TMEM184B: variants seen among roughly 807,000 people sequenced by gnomAD.
TMEM184B encodes the protein transmembrane protein 184B.
A neutral mutation model predicts 41.8 loss-of-function variants in TMEM184B; 17 were observed. The ratio of observed to expected loss-of-function variants is 0.41; its 90% CI spans 0.28 to 0.61. The LOEUF is 0.61. Among genes scored for constraint, TMEM184B ranks in the 20% least tolerant of loss-of-function variants. TMEM184B has a pLI of 0.34. For missense variants in TMEM184B, 393 were observed against 557.8 expected (o/e 0.70, Z 2.98); for synonymous variants, 240 against 229.5 (o/e 1.05, Z -0.41).
rs1266514643 is a variant in TMEM184B at position 38,258,942 on chromosome 22, T to C, written c.-58-10923A>G. On this transcript the variant is annotated intron_variant, in intron 1 of 8. Transcript: ENST00000361906. ...CATCCAGTGTCGTTTATTTCTATGT[T>C]TATTTTCAACTGTAATGGTATCCCT... is the stretch of plus-strand genomic sequence containing the variant. Among the ~76,000 whole-genome samples the C allele has an allele frequency of 2.0e-5, 3 of 152,156 alleles. No individual in the cohort carries two copies. The East Asian group carries it at 5.8e-4, about 29-fold the overall frequency.
intron 3 of TMEM184B, chr22:38,231,821 T>C (rs1411010946): frequency 1.1e-5 from 3 of 264,344 alleles, no homozygotes; most frequent in Non-Finnish European, 2.2e-5. Flanking sequence ...ACTGATCTGG[T>C]GTCTGCACCA....
At chr22:38,245,003 C>T (rs1449988025) in intron 3 of TMEM184B, among the ~76,000 whole-genome samples, 2 of 152,186 alleles carry the variant, frequency 1.3e-5, no homozygotes, top group Non-Finnish European at 2.9e-5. Flanking sequence ...GGCCTGTGGT[C>T]GGAGCTCAGG....
chr22:38,248,455 T>G (rs2092089942), intron 1 of TMEM184B, among the ~76,000 whole-genome samples: 1 of 152,258 alleles, frequency 6.6e-6, no homozygotes, highest in Non-Finnish European at 1.5e-5. Flanking sequence ...AGCCTGCTTC[T>G]GCCACAGGGC....
intron 3 of TMEM184B, among the ~76,000 whole-genome samples, chr22:38,237,355 T>C (rs546988009): frequency 6.6e-6 from 1 of 152,358 alleles, no homozygotes; most frequent in East Asian, 1.9e-4. Flanking sequence ...GACACACTCA[T>C]ATAACTTGCT....
intron 2 of TMEM184B, 21 bp downstream of exon 2, chr22:38,247,749 C>A: frequency 6.2e-7 from 1 of 1,602,814 alleles, no homozygotes; most frequent in Non-Finnish European, 8.5e-7. Flanking sequence ...TTTCTAGAGG[C>A]CCCTTGCCAG....
Position 38,226,998 on chromosome 22 carries a change from AGGGATGGAGGGACGGAG to A in TMEM184B, c.526-145_526-129del, listed in dbSNP as rs1437264056. 3.9e-5 allele frequency: 33 copies of A among 838,114 alleles called. No individual in the cohort carries two copies. Among genetic ancestry groups the A allele is most frequent in the Middle Eastern group, 4.9e-4 (2 of 4,120 alleles). 51.9% of individuals were successfully genotyped at this position (838,114 alleles called of 1,614,324 possible). ...AGGATGAAGGAGACGGAGAGGACGGAGGGATGGAGGGACGGAGGGGATGGAGGGACGAAGGGATGGAG... is the reference window on the plus strand; with the variant it reads ...AGGATGAAGGAGACGGAGAGGACGGAGGGATGGAGGGACGAAGGGATGGAG... On this transcript the variant is annotated intron_variant, in intron 5 of 8. Coordinates refer to ENST00000361906, the MANE Select transcript of TMEM184B (RefSeq NM_012264.5). This position sits in a 1 kb window ranked among gnomAD's most constrained non-coding sequence, Gnocchi z 4.6.
rs1053434215 is a variant in TMEM184B at position 38,225,961 on chromosome 22, C to T, written c.618-368G>A. Among the ~76,000 whole-genome samples, 8 of 152,120 alleles carry T rather than the reference C, an allele frequency of 5.3e-5. No individual in the cohort carries two copies. Among genetic ancestry groups the T allele is most frequent in the Non-Finnish European group, 1.0e-4 (7 of 68,040 alleles). On this transcript the variant is annotated intron_variant, in intron 6 of 8. Coordinates refer to ENST00000361906, the MANE Select transcript of TMEM184B (RefSeq NM_012264.5). This position sits in a 1 kb window ranked among gnomAD's most constrained non-coding sequence, Gnocchi z 4.4. ...TGCTCAGCTCTGCTGCCTTTTCACT[C>T]GGTCGGCTGCATCCCCCTGACCTCC...
intron 1 of TMEM184B, among the ~76,000 whole-genome samples, chr22:38,256,480 C>T (rs572580515): frequency 1.8e-3 from 271 of 152,198 alleles, no homozygotes; most frequent in Non-Finnish European, 3.1e-3. Context: ...CCTCCCACCT[C>T]GGCCTCCCAA....
In TMEM184B at chr22:38,220,278, C is replaced by G; in HGVS notation, c.*1191G>C. 2 of 985,958 alleles carry G rather than the reference C, an allele frequency of 2.0e-6. No homozygotes were observed. The highest frequency in any genetic ancestry group is 2.4e-6 in the Non-Finnish European group (2 of 830,042). The allele number at this position is 985,958 out of a possible 1,614,324, so 61.1% of individuals were successfully genotyped here. On this transcript the variant is annotated 3_prime_UTR_variant, in exon 9 of 9. Transcript: ENST00000361906. ...TGAGGCCTGTCCAAGGGCTCTGGGC[C>G]CAGCACTGCAGGATCCTGCGAGTGC... is the stretch of plus-strand genomic sequence containing the variant.
chr22:38,221,394 T>C lies in TMEM184B; in HGVS notation c.*75A>G. 1.3e-6 allele frequency: 2 copies of C among 1,517,462 alleles called. No individual in the cohort carries two copies. The highest frequency in any genetic ancestry group is 1.8e-6 in the Non-Finnish European group (2 of 1,138,042). The allele number at this position is 1,517,462 out of a possible 1,614,324, so 94.0% of individuals were successfully genotyped here. On this transcript the variant is annotated 3_prime_UTR_variant, in exon 9 of 9. Coordinates refer to ENST00000361906, the MANE Select transcript of TMEM184B (RefSeq NM_012264.5). Reference sequence around the variant, plus strand: ...GCACTGTGCCAGCTGCCTCCTGGCCTGGTGGTGAGGCTGGAGGTGGGGCAC... The same window carrying C: ...GCACTGTGCCAGCTGCCTCCTGGCCCGGTGGTGAGGCTGGAGGTGGGGCAC...
intron 1 of TMEM184B, among the ~76,000 whole-genome samples, chr22:38,264,861 C>T (rs1304191282): frequency 6.6e-6 from 1 of 152,178 alleles, no homozygotes; most frequent in Non-Finnish European, 1.5e-5. Flanking sequence ...GAACCCTTGT[C>T]AACCTCATCT....
rs2091546607 is a variant in TMEM184B at position 38,229,401 on chromosome 22, G to A, written c.525+1268C>T. On this transcript the variant is annotated intron_variant, in intron 5 of 8. Transcript: ENST00000361906. ...TCTGATCCTCACAACCATCTCTAGA[G>A]AGGAGTATCATTACACTCATTTTAC... Among the ~76,000 whole-genome samples, 3 of 152,238 alleles carry A rather than the reference G, an allele frequency of 2.0e-5. No homozygotes were observed. The South Asian group carries it at 6.2e-4, about 32-fold the overall frequency.
Position 38,225,303 on chromosome 22 carries a change from G to C in TMEM184B, c.787+121C>G. On this transcript the variant is annotated intron_variant, in intron 7 of 8. Coordinates refer to ENST00000361906, the MANE Select transcript of TMEM184B (RefSeq NM_012264.5). The surrounding 1 kb of genome is among the most constrained non-coding windows in gnomAD (Gnocchi z 4.4). ...AGATTTCACCCCCAGCAAGTGCCCA[G>C]TGGGCTGAGGCCCCTCTGAACAGGC... The C allele has an allele frequency of 1.5e-6, 2 of 1,295,798 alleles. No individual in the cohort carries two copies. The highest frequency in any genetic ancestry group is 2.1e-6 in the Non-Finnish European group (2 of 954,510). 80.3% of individuals were successfully genotyped at this position (1,295,798 alleles called of 1,614,324 possible).
chr22:38,227,054 AGAG>A (rs2091464293), intron 5 of TMEM184B, among the ~76,000 whole-genome samples, 184 bp from the exon 6 acceptor site: 1 of 147,450 alleles, frequency 6.8e-6, no homozygotes, highest in Admixed American at 6.7e-5. Flanking sequence ...ATGGAAGGAT[AGAG>A]GAGATGGAGG....
Position 38,246,055 on chromosome 22 carries a change from A to AGAGC in TMEM184B, c.237_238insGCTC (p.Tyr80AlafsTer16). On this transcript the variant is annotated frameshift_variant, in exon 3 of 9. Coordinates refer to ENST00000361906, the MANE Select transcript of TMEM184B (RefSeq NM_012264.5). LOFTEE classifies it high-confidence loss of function. ...ACGATGAAGAGGATGCGCACGATGTAGCGCTGCTCGTTGGGGCAGCTGTAG... is the reference window on the plus strand; with the variant it reads ...ACGATGAAGAGGATGCGCACGATGTAGAGCGCGCTGCTCGTTGGGGCAGCTGTAG... 1 of 1,613,272 alleles carries AGAGC rather than the reference A, an allele frequency of 6.2e-7. No homozygotes were observed. Among genetic ancestry groups the AGAGC allele is most frequent in the South Asian group, 1.1e-5 (1 of 91,088 alleles).
intron 1 of TMEM184B, among the ~76,000 whole-genome samples, chr22:38,263,441 C>G (rs1018772963): frequency 6.6e-5 from 10 of 152,296 alleles, no homozygotes; most frequent in Admixed American, 5.2e-4. Flanking sequence ...TGCTTCTTCC[C>G]TCGGCAATCC....
Position 38,226,982 on chromosome 22 carries a change from GAGACGGAGA to G in TMEM184B, c.526-121_526-113del, listed in dbSNP as rs2091460147. The G allele has an allele frequency of 5.4e-6, 6 of 1,109,724 alleles. No homozygotes were observed. Among genetic ancestry groups the G allele is most frequent in the Non-Finnish European group, 5.3e-6 (4 of 760,086 alleles). 68.7% of individuals were successfully genotyped at this position (1,109,724 alleles called of 1,614,324 possible). On this transcript the variant is annotated intron_variant, in intron 5 of 8. Coordinates refer to ENST00000361906, the MANE Select transcript of TMEM184B (RefSeq NM_012264.5). This position sits in a 1 kb window ranked among gnomAD's most constrained non-coding sequence, Gnocchi z 4.6. The stretch of plus-strand genomic sequence containing the variant: ...GGATGGAGGGACAGAGAGGATGAAG[GAGACGGAGA>G]GGACGGAGGGATGGAGGGACGGAGG...
intron 3 of TMEM184B, among the ~76,000 whole-genome samples, chr22:38,241,195 G>A (rs987978927): frequency 4.6e-5 from 7 of 152,194 alleles, no homozygotes; most frequent in South Asian, 2.1e-4. Flanking sequence ...GAAGCGTCAC[G>A]GGGAAAATGG....
In TMEM184B at chr22:38,220,947, G is replaced by A; in HGVS notation, c.*522C>T. On this transcript the variant is annotated 3_prime_UTR_variant, in exon 9 of 9. Coordinates refer to ENST00000361906, the MANE Select transcript of TMEM184B (RefSeq NM_012264.5). ...CCTGGGTCAGGAGGGGAGGACCACA[G>A]AGCGCCCACATCCCCACTCCTGCCC... is the stretch of plus-strand genomic sequence containing the variant. The A allele has an allele frequency of 1.0e-6, 1 of 988,662 alleles. No homozygotes were observed. The highest frequency in any genetic ancestry group is 1.2e-6 in the Non-Finnish European group (1 of 831,866). 61.2% of individuals were successfully genotyped at this position (988,662 alleles called of 1,614,324 possible). A position where few individuals can be genotyped will look rare whatever the true frequency, so the allele number is the denominator to read the frequency against.
Sources: allele counts gnomAD v4.1 joint callset (sites outside exome capture counted in the v4.1 genomes callset), GRCh38; gene constraint gnomAD v4.1.1; non-coding constraint Gnocchi (gnomAD v3.1); transcripts MANE v1.5; gene names NCBI Gene and HGNC (gene_info 2026-07-23, HGNC 2026-07-21).